Variants in NELL1 observed in about 807,000 individuals in gnomAD.
NELL1 encodes protein kinase C-binding protein NELL1.
A neutral mutation model predicts 107.4 loss-of-function variants in NELL1; 76 were observed. The observed-to-expected ratio is 0.71, with a 90% CI of 0.59 to 0.86. NELL1 has a LOEUF of 0.86. NELL1 is among the 40% of genes least tolerant of loss of function. NELL1 has a pLI of 0.00. For synonymous variants in NELL1, 353 were observed against 341.2 expected (o/e 1.03, Z -0.38); for missense variants, 1,024 against 1,005.5 (o/e 1.02, Z -0.25).
intron 15 of NELL1, among the ~76,000 whole-genome samples, chr11:21,516,733 A>T (rs986646850): frequency 6.3e-5 from 9 of 143,778 alleles, no homozygotes; most frequent in Non-Finnish European, 1.3e-4. Context: ...TCACACACAC[A>T]CACACATACA....
At chr11:21,417,074 C>A (rs1344405437) in intron 15 of NELL1, among the ~76,000 whole-genome samples, 1 of 151,938 alleles carries the variant, frequency 6.6e-6, no homozygotes, top group Non-Finnish European at 1.5e-5. Flanking sequence ...CTTCATGCAC[C>A]TAAACAGTAT....
intron 3 of NELL1, among the ~76,000 whole-genome samples, chr11:20,787,660 T>C (rs1856995199): frequency 6.6e-6 from 1 of 152,234 alleles, no homozygotes. Context: ...ATTGTATTAC[T>C]AGTGATGAAG....
At chr11:20,760,192 T>G (rs1328672876) in intron 2 of NELL1, among the ~76,000 whole-genome samples, 2 of 152,230 alleles carry the variant, frequency 1.3e-5, no homozygotes, top group Non-Finnish European at 2.9e-5. Flanking sequence ...CCATGCCCTC[T>G]TAGGCAAATG....
intron 15 of NELL1, among the ~76,000 whole-genome samples, chr11:21,402,391 G>A (rs994441088): frequency 2.0e-5 from 3 of 151,794 alleles, no homozygotes; most frequent in Non-Finnish European, 4.4e-5. Context: ...GCGTTTTACA[G>A]AGGAAATTTA....
intron 4 of NELL1, among the ~76,000 whole-genome samples, chr11:20,873,677 G>A (rs182998512): frequency 5.2e-4 from 79 of 152,162 alleles, no homozygotes; most frequent in African/African-American, 1.8e-3. Context: ...TAAAAGTAAA[G>A]GTAAGACACA....
At chr11:21,482,448 T>A (rs757908671) in intron 15 of NELL1, among the ~76,000 whole-genome samples, 1 of 152,182 alleles carries the variant, frequency 6.6e-6, no homozygotes, top group Non-Finnish European at 1.5e-5. Context: ...TTTCCCAAAT[T>A]TGGATGCTGG....
At chr11:21,538,669 T>A (rs1856209018) in intron 16 of NELL1, among the ~76,000 whole-genome samples, 1 of 152,096 alleles carries the variant, frequency 6.6e-6, no homozygotes, top group East Asian at 1.9e-4. Context: ...GTGGTAGGAG[T>A]CAGTGATTCT....
At chr11:21,054,815 A>G (rs963208270) in intron 12 of NELL1, among the ~76,000 whole-genome samples, 5 of 152,026 alleles carry the variant, frequency 3.3e-5, no homozygotes, top group African/African-American at 1.2e-4. Context: ...GGCTTAAAAG[A>G]TGGTCAGTTA....
At chr11:20,713,774 T>C (rs1855170282) in intron 2 of NELL1, among the ~76,000 whole-genome samples, 1 of 152,244 alleles carries the variant, frequency 6.6e-6, no homozygotes, top group Non-Finnish European at 1.5e-5. Flanking sequence ...TCTTTAAGGA[T>C]GCCTATAATT....
At chr11:21,199,513 C>G (rs1051525281) in intron 13 of NELL1, among the ~76,000 whole-genome samples, 1 of 152,038 alleles carries the variant, frequency 6.6e-6, no homozygotes, top group Non-Finnish European at 1.5e-5. Context: ...GTGGCATTCC[C>G]TTTGGTAGTT....
At chr11:20,787,405 G>T (rs933100036) in intron 3 of NELL1, among the ~76,000 whole-genome samples, 6 of 152,162 alleles carry the variant, frequency 3.9e-5, no homozygotes, top group Admixed American at 6.5e-5. Flanking sequence ...GTTCCCATCT[G>T]CAATAAGTGA....
chr11:21,172,395 G>A (rs1020960917), intron 13 of NELL1, among the ~76,000 whole-genome samples: 3 of 151,774 alleles, frequency 2.0e-5, no homozygotes, highest in African/African-American at 7.3e-5. Context: ...AACCAGCCAG[G>A]CCCAAGGTCT....
At chr11:20,962,741 A>G (rs1353278639) in intron 12 of NELL1, among the ~76,000 whole-genome samples, 5 of 152,228 alleles carry the variant, frequency 3.3e-5, no homozygotes, top group Admixed American at 1.3e-4. Context: ...GCTCCTGTTT[A>G]GCTCAGTGTA....
At chr11:21,525,326 G>T (rs1177709968) in intron 15 of NELL1, among the ~76,000 whole-genome samples, 1 of 152,182 alleles carries the variant, frequency 6.6e-6, no homozygotes, top group Admixed American at 6.5e-5. Context: ...GACTTACAAA[G>T]AAGAAACAGC....
chr11:21,284,024 G>A, intron 14 of NELL1: 1 of 361,802 alleles, frequency 2.8e-6, no homozygotes, highest in South Asian at 2.1e-5. Context: ...ACATGTGTGT[G>A]TGCCTGTGGA....
intron 14 of NELL1, among the ~76,000 whole-genome samples, chr11:21,320,933 G>T (rs973678291): frequency 5.3e-5 from 8 of 152,172 alleles, no homozygotes; most frequent in African/African-American, 1.9e-4. Context: ...AAATGAGAAT[G>T]AATGAAAAGC....
At chr11:20,738,485 T>G (rs978758683) in intron 2 of NELL1, among the ~76,000 whole-genome samples, 11 of 152,298 alleles carry the variant, frequency 7.2e-5, no homozygotes, top group Admixed American at 6.5e-4. Flanking sequence ...AGAGACTGGT[T>G]TGAGCTACTG....
chr11:21,185,587 A>T (rs923566990), intron 13 of NELL1, among the ~76,000 whole-genome samples: 2 of 151,652 alleles, frequency 1.3e-5, no homozygotes, highest in Admixed American at 6.6e-5. Context: ...GAGCCACTGC[A>T]CCTGGCCCTA....
At chr11:21,095,196 C>T (rs933671510) in intron 12 of NELL1, among the ~76,000 whole-genome samples, 1 of 152,176 alleles carries the variant, frequency 6.6e-6, no homozygotes, top group East Asian at 1.9e-4. Flanking sequence ...TAAAACATAA[C>T]AAGAGTCACC....
Sources: allele counts gnomAD v4.1 joint callset (sites outside exome capture counted in the v4.1 genomes callset), GRCh38; gene constraint gnomAD v4.1.1; transcripts MANE v1.5; gene names NCBI Gene and HGNC (gene_info 2026-07-23, HGNC 2026-07-21).